CALD1: variants seen among roughly 807,000 people sequenced by gnomAD.
CALD1 encodes caldesmon 1.
CALD1 carries 33 observed loss-of-function variants against 99.9 expected under a neutral mutation model. That is an observed-to-expected ratio of 0.33 (90% confidence interval 0.25 to 0.44). The LOEUF (loss-of-function observed/expected upper bound fraction) is 0.44. Ranked by LOEUF, CALD1 falls within the 20% of genes least tolerant of loss-of-function variation. CALD1 has a pLI of 1.00. For missense variants in CALD1, 861 were observed against 962.1 expected, an observed-to-expected ratio of 0.89 and a Z score of 1.39; for synonymous variants, 310 against 325.0, an observed-to-expected ratio of 0.95 and a Z score of 0.50.
upstream of CALD1, among the ~76,000 whole-genome samples, chr7:134,741,434 G>T (rs1163102246): frequency 6.6e-6 from 1 of 152,094 alleles, no homozygotes; most frequent in Non-Finnish European, 1.5e-5. Flanking sequence ...TGGGACTACA[G>T]TTCAAGATGA....
At chr7:134,944,247 A>G (rs1413411653) in intron 7 of CALD1, among the ~76,000 whole-genome samples, 1 of 152,314 alleles carries the variant, frequency 6.6e-6, no homozygotes, top group Non-Finnish European at 1.5e-5. Flanking sequence ...GCCTAGACCA[A>G]TAGTTCTAAA....
intron 2 of CALD1, among the ~76,000 whole-genome samples, chr7:134,845,261 A>G (rs1310660485): frequency 6.6e-6 from 1 of 152,190 alleles, no homozygotes; most frequent in East Asian, 1.9e-4. Flanking sequence ...TGTATACAGT[A>G]GACATTTTGT....
At chr7:134,909,421 G>C (rs1027633544) in intron 3 of CALD1, among the ~76,000 whole-genome samples, 1 of 152,176 alleles carries the variant, frequency 6.6e-6, no homozygotes, top group African/African-American at 2.4e-5. Context: ...GGTGGCTCAC[G>C]CCTGTAATCC....
In CALD1 at chr7:134,959,960, C is replaced by T. The variant is rs368517932; in HGVS notation, c.2062-14C>T. 1.8e-5 allele frequency: 29 copies of T among 1,611,774 alleles called. No homozygotes were observed. The highest frequency in any genetic ancestry group is 2.2e-5 in the Non-Finnish European group (26 of 1,179,036). ...TTCCCAGCACCAATCCTAAAAATAA[C>T]TCACAAATTTCAGGGAACAAAAAGC... On this transcript the variant is annotated splice_polypyrimidine_tract_variant and intron_variant, in intron 11 of 14. Transcript: ENST00000361675.
chr7:134,761,380 C>A (rs1585901402), intron 1 of CALD1, among the ~76,000 whole-genome samples: 1 of 152,162 alleles, frequency 6.6e-6, no homozygotes, highest in Non-Finnish European at 1.5e-5. Context: ...GCTGCTGAAA[C>A]CACTGCTCCA....
In CALD1 at chr7:134,959,165, GT is replaced by G. The variant is rs199571200; in HGVS notation, c.2062-802del. Reference sequence around the variant, plus strand: ...CAGCTGACTGTCTTGTTTTTTGTTTGTTTTTTTGTTTTTTATTTTTATTTTT... The same window carrying G: ...CAGCTGACTGTCTTGTTTTTTGTTTGTTTTTTGTTTTTTATTTTTATTTTT... On this transcript the variant is annotated intron_variant, in intron 11 of 14. Transcript: ENST00000361675. 6.2e-3 allele frequency among the ~76,000 whole-genome samples: 936 copies of G among 150,794 alleles called. 11 individuals are homozygous for G. The highest frequency in any genetic ancestry group is 0.02 in the African/African-American group (829 of 41,214).
chr7:134,796,911 G>A (rs1197918998), intron 1 of CALD1, among the ~76,000 whole-genome samples: 1 of 152,160 alleles, frequency 6.6e-6, no homozygotes, highest in East Asian at 1.9e-4. Flanking sequence ...AAGCAATATT[G>A]AGAATCATCT....
chr7:134,856,479 G>A (rs1800308413), intron 2 of CALD1, among the ~76,000 whole-genome samples: 1 of 152,148 alleles, frequency 6.6e-6, no homozygotes, highest in Admixed American at 6.5e-5. Flanking sequence ...TCAGGCAACA[G>A]TTTTTTTAGA....
intron 3 of CALD1, among the ~76,000 whole-genome samples, chr7:134,883,670 C>T (rs750783635): frequency 6.6e-5 from 10 of 152,186 alleles, no homozygotes; most frequent in Non-Finnish European, 1.3e-4. Context: ...CTGCCTTAGG[C>T]TACCATCATA....
intron 3 of CALD1, among the ~76,000 whole-genome samples, chr7:134,920,941 G>A (rs1222503398): frequency 6.6e-6 from 1 of 152,154 alleles, no homozygotes; most frequent in East Asian, 1.9e-4. Context: ...TGAGCCTTTT[G>A]TTTTCTCTGA....
chr7:134,809,160 G>A (rs1242799297), intron 1 of CALD1, among the ~76,000 whole-genome samples: 3 of 152,194 alleles, frequency 2.0e-5, no homozygotes, highest in African/African-American at 4.8e-5. Flanking sequence ...GAGAGACACT[G>A]TAGTACAATA....
chr7:134,911,312 C>G (rs1399085775), intron 3 of CALD1, among the ~76,000 whole-genome samples: 2 of 151,362 alleles, frequency 1.3e-5, no homozygotes, highest in Non-Finnish European at 2.9e-5. Flanking sequence ...CCAGGTATTC[C>G]TGGTTCATAT....
intron 2 of CALD1, 69 bp downstream of exon 2, chr7:134,844,040 G>C (rs377710492): frequency 6.6e-6 from 1 of 152,160 alleles, no homozygotes. Flanking sequence ...CTCTGTGCCT[G>C]ATATTCTAAA....
At chr7:134,906,545 T>C (rs1803401732) in intron 3 of CALD1, among the ~76,000 whole-genome samples, 1 of 152,254 alleles carries the variant, frequency 6.6e-6, no homozygotes. Flanking sequence ...AGCTTCACCA[T>C]CCTGTAAAAC....
At chr7:134,912,173 A>G (rs554821982) in intron 3 of CALD1, among the ~76,000 whole-genome samples, 1 of 152,350 alleles carries the variant, frequency 6.6e-6, no homozygotes, top group Non-Finnish European at 1.5e-5. Context: ...TTCCGACCCC[A>G]TGTGACTGGT....
At chr7:134,925,590 A>G (rs1804943041) in intron 3 of CALD1, among the ~76,000 whole-genome samples, 1 of 152,178 alleles carries the variant, frequency 6.6e-6, no homozygotes, top group Admixed American at 6.5e-5. Context: ...AAGCAGCAGA[A>G]GAGAGAAGAG....
Position 134,968,723 on chromosome 7 carries a change from G to A in CALD1, c.*378G>A. ...TCTAGAAAAATGAACCGTAGTTTTT[G>A]TTTTTTTAAATACAGAAGTCATGTT... On this transcript the variant is annotated 3_prime_UTR_variant, in exon 15 of 15. Transcript: ENST00000361675. 3.0e-6 allele frequency: 1 copy of A among 333,940 alleles called. No individual in the cohort carries two copies. Among genetic ancestry groups the A allele is most frequent in the Non-Finnish European group, 5.9e-6 (1 of 169,154 alleles). 20.7% of individuals were successfully genotyped at this position (333,940 alleles called of 1,614,324 possible).
intron 4 of CALD1, among the ~76,000 whole-genome samples, chr7:134,931,470 A>G (rs989891406): frequency 1.3e-5 from 2 of 152,236 alleles, no homozygotes; most frequent in African/African-American, 4.8e-5. Context: ...AGCAAAAGTA[A>G]AGGCCAAGAA....
intron 13 of CALD1, among the ~76,000 whole-genome samples, chr7:134,964,326 A>G (rs1184734126): frequency 6.6e-6 from 1 of 152,192 alleles, no homozygotes; most frequent in Non-Finnish European, 1.5e-5. Context: ...TTGGGAGAAG[A>G]AGGCAGTCCT....
Sources: allele counts gnomAD v4.1 joint callset (sites outside exome capture counted in the v4.1 genomes callset), GRCh38; gene constraint gnomAD v4.1.1; transcripts MANE v1.5; gene names NCBI Gene and HGNC (gene_info 2026-07-23, HGNC 2026-07-21).